The following BTBD8 variants were observed in gnomAD, a reference collection of about 807,000 sequenced individuals.
BTBD8 encodes the protein BTB domain containing 8.
Under a neutral mutation model 162.9 loss-of-function variants are expected in BTBD8, and 110 were observed. That is an observed-to-expected ratio of 0.68 (90% confidence interval 0.58 to 0.79). The LOEUF is 0.79. BTBD8 is among the 30% of genes least tolerant of loss of function. The pLI is 0.00. For synonymous variants in BTBD8, 667 were observed against 716.1 expected, an observed-to-expected ratio of 0.93 and a Z score of 1.10; for missense variants, 1,905 against 2,085.4, an observed-to-expected ratio of 0.91 and a Z score of 1.68.
intron 16 of BTBD8, among the ~76,000 whole-genome samples, chr1:92,179,177 C>T (rs1030461330): frequency 1.3e-5 from 2 of 150,436 alleles, no homozygotes; most frequent in East Asian, 2.0e-4. Context: ...ACCTGGGAGG[C>T]GGAGGTTGCA....
chr1:92,167,026 G>A lies in BTBD8; in HGVS notation c.1191G>A (p.Lys397=), dbSNP rs1650402004. 2 of 1,550,840 alleles carry A rather than the reference G, an allele frequency of 1.3e-6. No individual in the cohort carries two copies. The highest frequency in any genetic ancestry group is 1.7e-6 in the Non-Finnish European group (2 of 1,147,052). Residue 397 remains lysine (K), a synonymous_variant, in exon 10 of 18, where the codon AAG becomes AAA. Coordinates refer to ENST00000636805, the MANE Select transcript of BTBD8 (RefSeq NM_001376131.1). ...TAATCATCAGTTTACCCAGAGTGAA[G>A]TGGACGGAAGCAGCACTGACCATGG... is the stretch of plus-strand genomic sequence containing the variant. ...DRLIISLPRV[K]WTEAALTMAS...
At chr1:92,136,789 C>G (rs999216121) in intron 5 of BTBD8, among the ~76,000 whole-genome samples, 1 of 152,172 alleles carries the variant, frequency 6.6e-6, no homozygotes, top group Non-Finnish European at 1.5e-5. Flanking sequence ...TACTTAATTT[C>G]AGTTTCTTCA....
Position 92,182,366 on chromosome 1 carries a change from T to C in BTBD8, c.4683T>C (p.Asn1561=). The C allele has an allele frequency of 6.5e-7, 1 of 1,550,150 alleles. No individual in the cohort carries two copies. Among genetic ancestry groups the C allele is most frequent in the Non-Finnish European group, 8.7e-7 (1 of 1,146,572 alleles). Reference sequence around the variant, plus strand: ...ATAAAAAAGTAAACAATGGAAGCAATGTGGAAAATGACATTCAGCAACGCA... The same window carrying C: ...ATAAAAAAGTAAACAATGGAAGCAACGTGGAAAATGACATTCAGCAACGCA... ...REDKKVNNGS[N]VENDIQQRSK... The change falls in exon 17 of 18, where the codon AAT becomes AAC. Residue 1561 remains asparagine (N), a synonymous_variant. Coordinates refer to ENST00000636805, the MANE Select transcript of BTBD8 (RefSeq NM_001376131.1).
At chr1:92,091,450 C>CGTGT (rs138017815) in intron 2 of BTBD8, among the ~76,000 whole-genome samples, 1 of 151,042 alleles carries the variant, frequency 6.6e-6, no homozygotes, top group Non-Finnish European at 1.5e-5. Flanking sequence ...CTAATACACT[C>CGTGT]GTGTGTGTGT....
chr1:92,163,134 C>T (rs1399131949), intron 9 of BTBD8, among the ~76,000 whole-genome samples: 1 of 151,818 alleles, frequency 6.6e-6, no homozygotes, highest in Non-Finnish European at 1.5e-5. Context: ...TCAGGCAGAT[C>T]ACGAGGTCAG....
intron 17 of BTBD8, among the ~76,000 whole-genome samples, chr1:92,183,000 A>G (rs1650965721): frequency 6.6e-6 from 1 of 152,154 alleles, no homozygotes; most frequent in South Asian, 2.1e-4. Flanking sequence ...CAATAACTCT[A>G]GTAATATGTA....
intron 4 of BTBD8, among the ~76,000 whole-genome samples, chr1:92,113,298 G>A (rs1362323119): frequency 2.6e-5 from 4 of 152,158 alleles, no homozygotes; most frequent in Non-Finnish European, 5.9e-5. Flanking sequence ...AATGGAAATG[G>A]CTGACATGCT....
At chr1:92,176,756 CT>C (rs1421060881) in intron 13 of BTBD8, 72 bp from the exon 14 acceptor site, 3 of 744,042 alleles carry the variant, frequency 4.0e-6, no homozygotes, top group Non-Finnish European at 5.9e-6. Context: ...GAAAGACTGG[CT>C]TTTGGAAACA....
At chr1:92,140,299 C>T (rs933920078) in intron 6 of BTBD8, among the ~76,000 whole-genome samples, 4 of 151,856 alleles carry the variant, frequency 2.6e-5, no homozygotes, top group African/African-American at 9.7e-5. Context: ...TCCTAAAGAC[C>T]AACAACTGTG....
intron 4 of BTBD8, among the ~76,000 whole-genome samples, chr1:92,110,840 G>A (rs765940018): frequency 3.3e-5 from 5 of 152,086 alleles, no homozygotes; most frequent in Non-Finnish European, 5.9e-5. Flanking sequence ...ACCGCACCTG[G>A]CTGCTGACTT....
rs1319511477 is a variant in BTBD8 at position 92,181,707 on chromosome 1, A to G, written c.4024A>G (p.Ile1342Val). The change falls in exon 17 of 18, where the codon ATC (isoleucine) becomes GTC (valine). Residue 1342 changes from isoleucine to valine, a missense_variant. By Grantham distance (29) the Ile-to-Val change is conservative (BLOSUM62 3). This residue lies in a region of BTBD8 where 517 missense variants were observed against 606.6 expected (regional missense o/e 0.85). Transcript: ENST00000636805. ...FQVNSTSDDE[I>V]PRKRPEIWSR... ...AGTTAATTCAACGAGTGATGATGAAATCCCTAGGAAAAGGCCAGAAATTTG... is the reference window on the plus strand; with the variant it reads ...AGTTAATTCAACGAGTGATGATGAAGTCCCTAGGAAAAGGCCAGAAATTTG... 6.4e-7 allele frequency: 1 copy of G among 1,551,488 alleles called. No individual in the cohort carries two copies. Among genetic ancestry groups the G allele is most frequent in the African/African-American group, 1.4e-5 (1 of 73,042 alleles).
At chr1:92,139,831 G>A (rs971627841) in intron 6 of BTBD8, 2 of 152,504 alleles carry the variant, frequency 1.3e-5, no homozygotes, top group African/African-American at 5.0e-5. Flanking sequence ...GCTCTCGCCT[G>A]TAATCCCAGC....
Position 92,171,448 on chromosome 1 carries a change from C to A in BTBD8, c.1623C>A (p.Phe541Leu). The part of the protein sequence containing the change: ...DDRRLGKKPI[F>L]SSSQQRKQVS... ...GAAGACTTGGCAAAAAGCCTATATT[C>A]AGTAGCTCGCAGGTAAACTTTCTAA... Residue 541 changes from phenylalanine to leucine, a missense_variant, in exon 13 of 18, where the codon TTC becomes TTA. Phe to Leu is a conservative substitution (Grantham distance 22). Transcript: ENST00000636805. 1 of 1,522,902 alleles carries A rather than the reference C, an allele frequency of 6.6e-7. No homozygotes were observed. Among genetic ancestry groups the A allele is most frequent in the South Asian group, 1.3e-5 (1 of 78,220 alleles). The allele number at this position is 1,522,902 out of a possible 1,614,324, so 94.3% of individuals were successfully genotyped here.
At position 92,184,508 on chromosome 1, in the gene BTBD8, A is replaced by G. The variant is rs1185448880; in HGVS notation, c.*178A>G. Reference sequence around the variant, plus strand: ...CACATATAGAAAAATGTTTTTCTAAAGTTTTTGAGCATGTTTTCTCTAATT... The same window carrying G: ...CACATATAGAAAAATGTTTTTCTAAGGTTTTTGAGCATGTTTTCTCTAATT... On this transcript the variant is annotated 3_prime_UTR_variant, in exon 18 of 18. Coordinates refer to ENST00000636805, the MANE Select transcript of BTBD8 (RefSeq NM_001376131.1). 2 of 433,936 alleles carry G rather than the reference A, an allele frequency of 4.6e-6. No homozygotes were observed. Among genetic ancestry groups the G allele is most frequent in the Admixed American group, 3.9e-5 (1 of 25,584 alleles). The allele number at this position is 433,936 out of a possible 1,614,324, so 26.9% of individuals were successfully genotyped here. A position where few individuals can be genotyped will look rare whatever the true frequency, so the allele number is the denominator to read the frequency against.
At chr1:92,142,969 A>G (rs1649812407) in intron 7 of BTBD8, among the ~76,000 whole-genome samples, 2 of 152,128 alleles carry the variant, frequency 1.3e-5, no homozygotes, top group African/African-American at 4.8e-5. Flanking sequence ...ACCATGCTCT[A>G]CTCTCTATTT....
rs986556510 is a variant in BTBD8 at position 92,181,619 on chromosome 1, T to G, written c.3936T>G (p.Ile1312Met). ...SDTSTPEELK[I>M]YDSNLRIEVK... ...CCAGTACTCCTGAAGAATTAAAAAT[T>G]TATGATAGTAATTTAAGAATTGAAG... The change falls in exon 17 of 18, where the codon ATT (isoleucine) becomes ATG (methionine). Residue 1312 changes from isoleucine (I) to methionine (M), a missense_variant. By Grantham distance (10) the Ile-to-Met change is conservative. Around this residue, in one of 3 missense-constraint regions of BTBD8, gnomAD observed 517 missense variants for 606.6 expected, o/e 0.85. Transcript: ENST00000636805. 35 of 1,550,826 alleles carry G rather than the reference T, an allele frequency of 2.3e-5. No individual in the cohort carries two copies. Among genetic ancestry groups the G allele is most frequent in the Non-Finnish European group, 3.1e-5 (35 of 1,146,542 alleles).
At chr1:92,149,644 G>T (rs1284243503) in intron 9 of BTBD8, among the ~76,000 whole-genome samples, 1 of 152,190 alleles carries the variant, frequency 6.6e-6, no homozygotes, top group Non-Finnish European at 1.5e-5. Flanking sequence ...TGAAACAGCA[G>T]CTATTTTTGG....
chr1:92,125,332 G>A, intron 4 of BTBD8: 1 of 206,288 alleles, frequency 4.8e-6, no homozygotes, highest in Non-Finnish European at 9.8e-6. Flanking sequence ...CTGCCAGAGA[G>A]GAGGAGCATA....
chr1:92,115,593 C>A, intron 4 of BTBD8: 1 of 386,326 alleles, frequency 2.6e-6, no homozygotes, highest in South Asian at 2.3e-5. Flanking sequence ...GATGGGATTT[C>A]CATTGATGTC....
Sources: allele counts gnomAD v4.1 joint callset (sites outside exome capture counted in the v4.1 genomes callset), GRCh38; gene constraint gnomAD v4.1.1; regional missense constraint gnomAD v4.1.1; transcripts MANE v1.5; gene names NCBI Gene and HGNC (gene_info 2026-07-23, HGNC 2026-07-21).